The following XPOT variants were observed in gnomAD, a reference collection of about 807,000 sequenced individuals.
The protein encoded by XPOT is exportin-T.
XPOT carries 34 observed loss-of-function variants against 128.2 expected under a neutral mutation model. The ratio of observed to expected loss-of-function variants is 0.27; its 90% CI spans 0.20 to 0.35. The LOEUF (loss-of-function observed/expected upper bound fraction) is 0.35. XPOT is among the 10% of genes least tolerant of loss of function. The probability of loss-of-function intolerance (pLI) is 1.00; values close to 1 mark genes in which losing one functional copy is unlikely to be tolerated. For missense variants in XPOT, 838 were observed against 1,125.3 expected (o/e 0.74, Z 3.65); for synonymous variants, 348 against 394.3 (o/e 0.88, Z 1.39).
chr12:64,423,077 T>C, intron 10 of XPOT, 34 bp downstream of exon 10: 1 of 1,609,922 alleles, frequency 6.2e-7, no homozygotes, highest in Non-Finnish European at 8.5e-7. Context: ...AAACCAATGA[T>C]AGATTTTTAG....
At position 64,447,432 on chromosome 12, in the gene XPOT, G is replaced by C. The variant is rs373083463; in HGVS notation, c.2863-673G>C. Among the ~76,000 whole-genome samples the C allele has an allele frequency of 2.0e-5, 3 of 152,128 alleles. No individual in the cohort carries two copies. The East Asian group carries it at 5.8e-4, about 29-fold the overall frequency. On this transcript the variant is annotated intron_variant, in intron 24 of 24. Coordinates refer to ENST00000332707, the MANE Select transcript of XPOT (RefSeq NM_007235.6). ...TCAAATAAATAGTAAATTCCTTACA[G>C]AGTTAGAACTGCTATGTTTAGCTTT...
chr12:64,411,508 T>C (rs959751716), intron 2 of XPOT, among the ~76,000 whole-genome samples: 4 of 152,198 alleles, frequency 2.6e-5, no homozygotes, highest in African/African-American at 9.7e-5. Flanking sequence ...TTAAAACCAA[T>C]ACATTATTAG....
At chr12:64,406,645 G>A (rs142027267) in intron 1 of XPOT, among the ~76,000 whole-genome samples, 201 of 152,206 alleles carry the variant, frequency 1.3e-3, no homozygotes, top group African/African-American at 4.7e-3. Context: ...CTTAGTGCTG[G>A]GATTATAGGC....
intron 4 of XPOT, among the ~76,000 whole-genome samples, chr12:64,417,044 C>A (rs1446913707): frequency 6.6e-6 from 1 of 152,008 alleles, no homozygotes; most frequent in Non-Finnish European, 1.5e-5. Context: ...TGGTGAAACC[C>A]CGTCTCTACA....
intron 10 of XPOT, 56 bp downstream of exon 10, chr12:64,423,099 C>G: frequency 6.3e-7 from 1 of 1,597,986 alleles, no homozygotes; most frequent in Non-Finnish European, 8.5e-7. Context: ...CTGTAATTTG[C>G]CTTGAAATGT....
intron 5 of XPOT, 100 bp downstream of exon 5, chr12:64,418,215 C>A: frequency 2.2e-6 from 2 of 929,810 alleles, no homozygotes; most frequent in Non-Finnish European, 1.6e-6. Flanking sequence ...CATCAGTGTT[C>A]CTCCATTTGA....
At chr12:64,425,966 G>T in intron 15 of XPOT, 57 bp downstream of exon 15, 1 of 1,483,328 alleles carries the variant, frequency 6.7e-7, no homozygotes, top group South Asian at 1.1e-5. Context: ...CTGGATAGAT[G>T]TAAAACAATA....
chr12:64,429,409 A>G (rs919774410), intron 16 of XPOT, among the ~76,000 whole-genome samples: 9 of 151,774 alleles, frequency 5.9e-5, no homozygotes, highest in Non-Finnish European at 1.0e-4. Flanking sequence ...GTGTGTTGTT[A>G]CTTAATTATT....
intron 11 of XPOT, 111 bp from the exon 12 acceptor site, chr12:64,424,488 A>G: frequency 9.8e-7 from 1 of 1,023,894 alleles, no homozygotes; most frequent in Admixed American, 2.7e-5. Flanking sequence ...GTTTTGGGGT[A>G]CATGTGCAGA....
intron 24 of XPOT, among the ~76,000 whole-genome samples, chr12:64,446,974 T>A (rs2136042900): frequency 6.6e-6 from 1 of 152,250 alleles, no homozygotes; most frequent in South Asian, 2.1e-4. Context: ...TTTATTGGAT[T>A]TACAGTTCCA....
intron 23 of XPOT, among the ~76,000 whole-genome samples, chr12:64,441,120 G>A (rs1296187300): frequency 1.3e-5 from 2 of 152,120 alleles, no homozygotes; most frequent in East Asian, 3.9e-4. Context: ...TGTAAGATAA[G>A]GGTCTCGTTT....
chr12:64,428,075 G>A lies in XPOT; in HGVS notation c.1692G>A (p.Glu564=). 1 of 1,574,166 alleles carries A rather than the reference G, an allele frequency of 6.4e-7. No individual in the cohort carries two copies. Among genetic ancestry groups the A allele is most frequent in the Non-Finnish European group, 8.7e-7 (1 of 1,145,736 alleles). Reference sequence around the variant, plus strand: ...GTAAGCAAATGAATCCTTTCATTGAGGATATTTTGAATAGAATACAAGATT... The same window carrying A: ...GTAAGCAAATGAATCCTTTCATTGAAGATATTTTGAATAGAATACAAGATT... The part of the protein sequence containing the change: ...SLNKQMNPFI[E]DILNRIQDLL... Residue 564 remains glutamate (E), a synonymous_variant, in exon 16 of 25, where the codon GAG becomes GAA. Coordinates refer to ENST00000332707, the MANE Select transcript of XPOT (RefSeq NM_007235.6).
chr12:64,415,810 A>T (rs1592526609), intron 3 of XPOT, among the ~76,000 whole-genome samples: 1 of 152,046 alleles, frequency 6.6e-6, no homozygotes, highest in Non-Finnish European at 1.5e-5. Flanking sequence ...CACACCTGTA[A>T]CCCATCCTCT....
intron 16 of XPOT, among the ~76,000 whole-genome samples, chr12:64,428,936 A>G (rs560439289): frequency 3.3e-5 from 5 of 151,918 alleles, no homozygotes; most frequent in African/African-American, 9.6e-5. Context: ...GCATGTCACT[A>G]TGGTTAGTAG....
intron 6 of XPOT, 30 bp from the exon 7 acceptor site, chr12:64,420,040 C>A (rs1013731557): frequency 6.6e-7 from 1 of 1,526,670 alleles, no homozygotes; most frequent in African/African-American, 1.4e-5. Flanking sequence ...GTAAGGTAAT[C>A]TACTTTGCAT....
At chr12:64,432,786 G>A (rs2040250309) in intron 18 of XPOT, among the ~76,000 whole-genome samples, 1 of 152,052 alleles carries the variant, frequency 6.6e-6, no homozygotes, top group Non-Finnish European at 1.5e-5. Context: ...AACCCTAAGA[G>A]TTTAATCATA....
intron 3 of XPOT, among the ~76,000 whole-genome samples, chr12:64,415,320 G>T (rs759999355): frequency 6.6e-6 from 1 of 151,472 alleles, no homozygotes; most frequent in East Asian, 1.9e-4. Context: ...TGGTAAAGAC[G>T]GTGATTGTAA....
chr12:64,418,960 A>T lies in XPOT; in HGVS notation c.355A>T (p.Thr119Ser). 1 of 1,614,092 alleles carries T rather than the reference A, an allele frequency of 6.2e-7. No homozygotes were observed. The highest frequency in any genetic ancestry group is 8.5e-7 in the Non-Finnish European group (1 of 1,180,010). ...FALLFVTEYL[T>S]KWPKFFFDIL... ...CTTGCTTTTTGTTACAGAGTATCTC[A>T]CTAAGTGGCCCAAGTTTTTTTTTGA... The change falls in exon 6 of 25, where the codon ACT becomes TCT. Residue 119 changes from threonine to serine, a missense_variant. Thr to Ser is a moderately conservative substitution (Grantham distance 58, BLOSUM62 1). Around this residue, in one of 3 missense-constraint regions of XPOT, gnomAD observed 761 missense variants for 988.3 expected, o/e 0.77. Coordinates refer to ENST00000332707, the MANE Select transcript of XPOT (RefSeq NM_007235.6).
At chr12:64,411,124 G>A (rs2040035225) in intron 2 of XPOT, among the ~76,000 whole-genome samples, 1 of 152,168 alleles carries the variant, frequency 6.6e-6, no homozygotes, top group Non-Finnish European at 1.5e-5. Flanking sequence ...TAGGAATTGA[G>A]ATTTAAGTAT....
Sources: allele counts gnomAD v4.1 joint callset (sites outside exome capture counted in the v4.1 genomes callset), GRCh38; gene constraint gnomAD v4.1.1; regional missense constraint gnomAD v4.1.1; transcripts MANE v1.5; gene names NCBI Gene and HGNC (gene_info 2026-07-23, HGNC 2026-07-21).